Variants in CCDC91 observed in about 807,000 individuals in gnomAD.
The protein encoded by CCDC91 is coiled-coil domain-containing protein 91.
In CCDC91, 48 loss-of-function variants were observed where a neutral mutation model predicts 63.2. The ratio of observed to expected loss-of-function variants is 0.76; its 90% CI spans 0.60 to 0.97. CCDC91 has a LOEUF of 0.97. CCDC91 is among the 50% of genes least tolerant of loss of function. The pLI, the probability that CCDC91 is intolerant of heterozygous loss-of-function variation, is 0.00. For missense variants in CCDC91, 500 were observed against 494.6 expected, an observed-to-expected ratio of 1.01 and a Z score of -0.10; for synonymous variants, 167 against 165.8, an observed-to-expected ratio of 1.01 and a Z score of -0.06.
At chr12:28,222,643 A>G (rs1223889900) in intron 1 of CCDC91, among the ~76,000 whole-genome samples, 3 of 152,072 alleles carry the variant, frequency 2.0e-5, no homozygotes, top group Admixed American at 1.3e-4. Context: ...TACAAATTTT[A>G]TGTTTGGTTA....
intron 12 of CCDC91, among the ~76,000 whole-genome samples, chr12:28,544,881 T>C (rs11049708): frequency 0.19 from 28,752 of 151,934 alleles, 3,564 homozygotes; most frequent in Non-Finnish European, 0.28. Flanking sequence ...GTAAATCTAA[T>C]ACATGAAATT....
At chr12:28,441,278 T>A (rs1186330232) in intron 8 of CCDC91, among the ~76,000 whole-genome samples, 1 of 151,994 alleles carries the variant, frequency 6.6e-6, no homozygotes, top group East Asian at 1.9e-4. Flanking sequence ...TAATAGGAAC[T>A]CTCATACATT....
intron 1 of CCDC91, among the ~76,000 whole-genome samples, chr12:28,251,805 A>G (rs1946136058): frequency 6.6e-6 from 1 of 152,102 alleles, no homozygotes; most frequent in Admixed American, 6.5e-5. Context: ...ATTTGCTCCA[A>G]TCTAGACTGG....
At chr12:28,246,547 T>C (rs962828540) in intron 1 of CCDC91, among the ~76,000 whole-genome samples, 2 of 152,162 alleles carry the variant, frequency 1.3e-5, no homozygotes, top group African/African-American at 4.8e-5. Flanking sequence ...AAAGATCATA[T>C]CCCATAGAGG....
At chr12:28,423,909 A>G (rs1303395840) in intron 8 of CCDC91, among the ~76,000 whole-genome samples, 2 of 152,184 alleles carry the variant, frequency 1.3e-5, no homozygotes, top group Non-Finnish European at 2.9e-5. Flanking sequence ...AAAAGGTTGT[A>G]TTCAAATTGG....
chr12:28,425,573 G>A (rs1948266768), intron 8 of CCDC91, among the ~76,000 whole-genome samples: 1 of 152,124 alleles, frequency 6.6e-6, no homozygotes, highest in African/African-American at 2.4e-5. Flanking sequence ...TCAAGTTTTA[G>A]CTTCTCTGTT....
chr12:28,538,828 G>A (rs1450536971), intron 12 of CCDC91, among the ~76,000 whole-genome samples: 1 of 152,144 alleles, frequency 6.6e-6, no homozygotes, highest in Admixed American at 6.5e-5. Context: ...ATCTCATTGT[G>A]GTTTTGATTT....
At chr12:28,395,758 C>A (rs1024698085) in intron 8 of CCDC91, among the ~76,000 whole-genome samples, 1 of 152,162 alleles carries the variant, frequency 6.6e-6, no homozygotes, top group Non-Finnish European at 1.5e-5. Flanking sequence ...TCAGCCTCAT[C>A]CCTCCAGCAT....
intron 1 of CCDC91, chr12:28,256,646 C>G (rs1946476954): frequency 1.3e-5 from 2 of 152,772 alleles, no homozygotes; most frequent in Admixed American, 6.5e-5. Context: ...AGCCTAGTAA[C>G]TTGCTCCACA....
chr12:28,406,428 G>A (rs1293239834), intron 8 of CCDC91, among the ~76,000 whole-genome samples: 1 of 152,032 alleles, frequency 6.6e-6, no homozygotes, highest in African/African-American at 2.4e-5. Flanking sequence ...TAGGTTGTAT[G>A]GTAAAGTATA....
intron 11 of CCDC91, among the ~76,000 whole-genome samples, chr12:28,471,524 A>C (rs1477884979): frequency 6.6e-6 from 1 of 152,174 alleles, no homozygotes; most frequent in Non-Finnish European, 1.5e-5. Context: ...AATAGGACTG[A>C]GGGAGATCTC....
chr12:28,202,158 T>C (rs1942503115), intron 1 of CCDC91, among the ~76,000 whole-genome samples: 1 of 152,226 alleles, frequency 6.6e-6, no homozygotes, highest in South Asian at 2.1e-4. Flanking sequence ...GAGATATTGT[T>C]ATCATACTTC....
At chr12:28,212,485 G>A (rs1943296342) in intron 1 of CCDC91, among the ~76,000 whole-genome samples, 1 of 152,114 alleles carries the variant, frequency 6.6e-6, no homozygotes, top group African/African-American at 2.4e-5. Flanking sequence ...ATGGCCACTG[G>A]GATTGGCCAA....
At chr12:28,370,548 G>A (rs1247988652) in intron 7 of CCDC91, among the ~76,000 whole-genome samples, 1 of 152,126 alleles carries the variant, frequency 6.6e-6, no homozygotes, top group African/African-American at 2.4e-5. Context: ...GTCTTCTTCT[G>A]AGCTCTCCAA....
intron 7 of CCDC91, among the ~76,000 whole-genome samples, chr12:28,367,827 T>C (rs886291008): frequency 6.6e-6 from 1 of 152,150 alleles, no homozygotes; most frequent in African/African-American, 2.4e-5. Flanking sequence ...TCTGTGAACT[T>C]TGAATATGGC....
At chr12:28,200,908 C>A (rs575696452) in intron 1 of CCDC91, among the ~76,000 whole-genome samples, 1 of 150,754 alleles carries the variant, frequency 6.6e-6, no homozygotes, top group African/African-American at 2.4e-5. Flanking sequence ...GGGGGGCTGA[C>A]CCCGCCACCT....
chr12:28,545,420 A>T, intron 12 of CCDC91, among the ~76,000 whole-genome samples: 1 of 152,086 alleles, frequency 6.6e-6, no homozygotes, highest in East Asian at 1.9e-4. Context: ...CAACATCCTT[A>T]TAAGAGAAAG....
At chr12:28,493,001 C>T (rs2141017730) in intron 12 of CCDC91, among the ~76,000 whole-genome samples, 1 of 151,628 alleles carries the variant, frequency 6.6e-6, no homozygotes, top group African/African-American at 2.4e-5. Flanking sequence ...AAATACTCAA[C>T]TTAAATGGAA....
intron 3 of CCDC91, among the ~76,000 whole-genome samples, chr12:28,290,821 C>T (rs1473926273): frequency 6.6e-6 from 1 of 152,176 alleles, no homozygotes; most frequent in South Asian, 2.1e-4. Flanking sequence ...ATACCCAACT[C>T]ATGTTTTTTA....
Sources: allele counts gnomAD v4.1 joint callset (sites outside exome capture counted in the v4.1 genomes callset), GRCh38; gene constraint gnomAD v4.1.1; transcripts MANE v1.5; gene names NCBI Gene and HGNC (gene_info 2026-07-23, HGNC 2026-07-21).